Variants in LAMA1 observed in about 807,000 individuals in gnomAD.
The protein encoded by LAMA1 is laminin subunit alpha-1.
Under a neutral mutation model 348.7 loss-of-function variants are expected in LAMA1, and 219 were observed. That is an observed-to-expected ratio of 0.63 (90% confidence interval 0.56 to 0.70). The LOEUF is 0.70. Among genes scored for constraint, LAMA1 ranks in the 30% least tolerant of loss-of-function variants. The pLI, the probability that LAMA1 is intolerant of heterozygous loss-of-function variation, is 0.00. For synonymous variants in LAMA1, 1,487 were observed against 1,491.0 expected, an observed-to-expected ratio of 1.00 and a Z score of 0.06; for missense variants, 3,744 against 3,888.0, an observed-to-expected ratio of 0.96 and a Z score of 0.99.
At chr18:7,023,084 TGTGTGACAC>T (rs1019325338) in intron 19 of LAMA1, 71 bp downstream of exon 19, 2 of 1,465,812 alleles carry the variant, frequency 1.4e-6, no homozygotes, top group African/African-American at 2.8e-5. Context: ...GGCGGGGCCC[TGTGTGACAC>T]ATGTGACTAT....
chr18:7,044,798 G>A lies in LAMA1; in HGVS notation c.900C>T (p.Ser300=), dbSNP rs138289612. Residue 300 remains serine (S), a synonymous_variant, in exon 7 of 63, where the codon AGC becomes AGT. Coordinates refer to ENST00000389658, the MANE Select transcript of LAMA1 (RefSeq NM_005559.4). ...CQCEHNTCGE[S]CNRCCPGYHQ... ...GGTACCCAGGACAGCACCTGTTACA[G>A]CTCTCCCCGCAAGTATTATGCTCAC... 3.0e-5 allele frequency: 48 copies of A among 1,614,008 alleles called. No homozygotes were observed. In the Admixed American group the frequency reaches 5.3e-4, roughly 18 times the overall value.
At chr18:7,065,601 C>G (rs536272797) in intron 3 of LAMA1, among the ~76,000 whole-genome samples, 1 of 151,978 alleles carries the variant, frequency 6.6e-6, no homozygotes, top group South Asian at 2.1e-4. Flanking sequence ...GTGGCACGCA[C>G]CTGTAGTCCC....
intron 60 of LAMA1, among the ~76,000 whole-genome samples, chr18:6,948,130 C>T (rs1275997016): frequency 6.6e-6 from 1 of 152,168 alleles, no homozygotes; most frequent in African/African-American, 2.4e-5. Flanking sequence ...ATTACAGAAC[C>T]TGGGGAAACT....
At chr18:7,040,045 G>A in intron 10 of LAMA1, 31 bp downstream of exon 10, 1 of 1,612,466 alleles carries the variant, frequency 6.2e-7, no homozygotes, top group Non-Finnish European at 8.5e-7. Flanking sequence ...CTCAAAGGAA[G>A]CTCAGGGGTG....
At chr18:6,945,375 T>C (rs1477149727) in intron 61 of LAMA1, among the ~76,000 whole-genome samples, 1 of 152,144 alleles carries the variant, frequency 6.6e-6, no homozygotes, top group African/African-American at 2.4e-5. Flanking sequence ...AGACATGACC[T>C]TTCAGATCCT....
In LAMA1 at chr18:7,037,618, T is replaced by C. The variant is rs1319210468; in HGVS notation, c.1697A>G (p.Lys566Arg). The C allele has an allele frequency of 1.9e-6, 3 of 1,613,990 alleles. No individual in the cohort carries two copies. Among genetic ancestry groups the C allele is most frequent in the Admixed American group, 1.7e-5 (1 of 59,984 alleles). Residue 566 changes from lysine to arginine, a missense_variant, in exon 12 of 63, where the codon AAG becomes AGG. Physicochemically the swap from Lys to Arg is conservative, Grantham distance 26. Transcript: ENST00000389658. ...NTAVMQRLAP[K>R]YYWAAPEAYL... ...GGCCTCGGGGGCTGCCCAGTAGTAC[T>C]TGGGAGCCAGTCTCTGCATGACCGC...
chr18:7,026,978 C>A (rs562594255), intron 16 of LAMA1, among the ~76,000 whole-genome samples: 1 of 146,532 alleles, frequency 6.8e-6, no homozygotes, highest in Non-Finnish European at 1.5e-5. Flanking sequence ...AGCGAGACTC[C>A]GTCTCAAAAA....
Position 7,106,911 on chromosome 18 carries a change from G to T in LAMA1, c.61+10749C>A, listed in dbSNP as rs9947804. Among the ~76,000 whole-genome samples, 388 of 152,060 alleles carry T rather than the reference G, an allele frequency of 2.6e-3. 3 individuals carry two copies. The highest frequency in any genetic ancestry group is 9.0e-3 in the African/African-American group (374 of 41,498). ...CCACCACCCACCAACAGTGGCATAT[G>T]ATGTAGAAGCTGACCCCGCACCTCC... is the stretch of plus-strand genomic sequence containing the variant. On this transcript the variant is annotated intron_variant, in intron 1 of 62. Transcript: ENST00000389658.
intron 57 of LAMA1, chr18:6,954,939 G>GATCTCGGTGGTCGCCGTATCATTAAAAA: frequency 9.3e-6 from 3 of 322,450 alleles, no homozygotes; most frequent in East Asian, 8.1e-5. Context: ...AGAAGGTGCA[G>GATCTCGGTGGTCGCCGTATCATTAAAAA]AGAGGGGTGG....
Position 7,024,381 on chromosome 18 carries a change from TC to T in LAMA1, c.2487del (p.Arg830AspfsTer42), listed in dbSNP as rs747941525. The T allele has an allele frequency of 2.5e-6, 4 of 1,613,278 alleles. No homozygotes were observed. Among genetic ancestry groups the T allele is most frequent in the Non-Finnish European group, 3.4e-6 (4 of 1,179,320 alleles). On this transcript the variant is annotated frameshift_variant and splice_region_variant, in exon 18 of 63. Transcript: ENST00000389658. LOFTEE classifies it high-confidence loss of function. ...TTGAAGCCAGTGGATGCAGAGTACC[TC>T]TCACACCAAGCTCCTGAGTAGCCCG... ...CAPGYSGAWC[E>X]RCADGYYGNP...
intron 28 of LAMA1, 81 bp from the exon 29 acceptor site, chr18:7,007,357 GACATAC>G: frequency 7.0e-7 from 1 of 1,421,992 alleles, no homozygotes; most frequent in Non-Finnish European, 9.5e-7. Context: ...CTCCAAAGGA[GACATAC>G]AAATGGCCAA....
chr18:7,098,083 G>C (rs963232645), intron 1 of LAMA1, among the ~76,000 whole-genome samples: 1 of 150,396 alleles, frequency 6.6e-6, no homozygotes, highest in African/African-American at 2.4e-5. Context: ...GCCCCTAACC[G>C]CAAGTAATCC....
At chr18:7,090,692 A>T (rs548876976) in intron 1 of LAMA1, among the ~76,000 whole-genome samples, 8 of 145,574 alleles carry the variant, frequency 5.5e-5, no homozygotes, top group African/African-American at 1.7e-4. Context: ...GAACAGAGAG[A>T]GAGAGAGAAA....
intron 3 of LAMA1, among the ~76,000 whole-genome samples, chr18:7,053,513 T>C (rs1264971059): frequency 1.3e-5 from 2 of 151,774 alleles, no homozygotes; most frequent in Non-Finnish European, 2.9e-5. Flanking sequence ...TGTCTATTAA[T>C]TGAAAAAAAT....
intron 1 of LAMA1, among the ~76,000 whole-genome samples, chr18:7,081,790 C>T (rs917355445): frequency 6.6e-6 from 1 of 152,186 alleles, no homozygotes; most frequent in Non-Finnish European, 1.5e-5. Context: ...AGGGTCTCAG[C>T]TTAGTGGCGT....
chr18:7,099,461 C>G (rs1290468422), intron 1 of LAMA1, among the ~76,000 whole-genome samples: 7 of 145,296 alleles, frequency 4.8e-5, no homozygotes, highest in African/African-American at 1.8e-4. Context: ...CAAGAATTAT[C>G]AATAAAAAAT....
intron 16 of LAMA1, among the ~76,000 whole-genome samples, chr18:7,029,145 G>T (rs149240634): frequency 6.6e-6 from 1 of 152,158 alleles, no homozygotes; most frequent in Non-Finnish European, 1.5e-5. Flanking sequence ...TCCTAGACCA[G>T]AGCATCTAAA....
At chr18:7,090,699 GAA>G (rs371897873) in intron 1 of LAMA1, among the ~76,000 whole-genome samples, 4 of 134,936 alleles carry the variant, frequency 3.0e-5, no homozygotes, top group African/African-American at 1.1e-4. Context: ...GAGAGAGAGA[GAA>G]AAAGAGAGAG....
chr18:7,042,331 C>T (rs1474661108), intron 8 of LAMA1, 81 bp from the exon 9 acceptor site: 1 of 837,196 alleles, frequency 1.2e-6, no homozygotes, highest in South Asian at 1.4e-5. Context: ...AAGGTATTGG[C>T]TTTTTACTCA....
Sources: gnomAD v4.1 joint callset for allele counts (sites outside exome capture counted in the v4.1 genomes callset) on GRCh38, gnomAD v4.1.1 for gene constraint, MANE v1.5 for transcripts, NCBI Gene and HGNC (gene_info 2026-07-23, HGNC 2026-07-21) for gene names.